The following IRF2 variants were observed in gnomAD, a reference collection of about 807,000 sequenced individuals.
The protein encoded by IRF2 is interferon regulatory factor 2.
Under a neutral mutation model 40.6 loss-of-function variants are expected in IRF2, and 15 were observed. The observed-to-expected ratio is 0.37, with a 90% CI of 0.25 to 0.57. The LOEUF (loss-of-function observed/expected upper bound fraction) is 0.57, where lower values mean the gene tolerates loss of function less well. Among genes scored for constraint, IRF2 ranks in the 20% least tolerant of loss-of-function variants. The pLI is 0.77. For synonymous variants in IRF2, 151 were observed against 165.5 expected (o/e 0.91, Z 0.67); for missense variants, 317 against 455.7 (o/e 0.70, Z 2.77).
At position 184,460,442 on chromosome 4, in the gene IRF2, T is replaced by C. The variant is rs535465570; in HGVS notation, c.-7+13937A>G. Among the ~76,000 whole-genome samples the C allele has an allele frequency of 5.9e-5, 9 of 152,354 alleles. No homozygotes were observed. The South Asian group carries it at 1.4e-3, about 25-fold the overall frequency. On this transcript the variant is annotated intron_variant, in intron 1 of 8. Transcript: ENST00000393593. ...GAATGTAATTAACGTCACCAAATTA[T>C]ACACTTTAAGATGATTGTAATGGTA...
intron 1 of IRF2, among the ~76,000 whole-genome samples, chr4:184,453,620 A>C (rs1340603466): frequency 6.6e-6 from 1 of 152,160 alleles, no homozygotes; most frequent in Non-Finnish European, 1.5e-5. Context: ...GCCGGAAAAG[A>C]CCTCTCAGTC....
At chr4:184,438,802 C>T (rs997498010) in intron 1 of IRF2, among the ~76,000 whole-genome samples, 4 of 152,156 alleles carry the variant, frequency 2.6e-5, no homozygotes, top group Non-Finnish European at 5.9e-5. Context: ...AACTTCATGG[C>T]ATGAAAATAG....
Position 184,413,065 on chromosome 4 carries a change from C to T in IRF2, c.412-4790G>A, listed in dbSNP as rs1737134050. On this transcript the variant is annotated intron_variant, in intron 5 of 8. Coordinates refer to ENST00000393593, the MANE Select transcript of IRF2 (RefSeq NM_002199.4). This position sits in a 1 kb window ranked among gnomAD's most constrained non-coding sequence, Gnocchi z 4.2. Reference sequence around the variant, plus strand: ...ACTCGCTTCTGAAGGTGCAAAACGCCGGGGCCTCCTCTTTAGGCCGCTCTT... The same window carrying T: ...ACTCGCTTCTGAAGGTGCAAAACGCTGGGGCCTCCTCTTTAGGCCGCTCTT... Among the ~76,000 whole-genome samples the T allele has an allele frequency of 6.6e-6, 1 of 152,112 alleles. No individual in the cohort carries two copies. The highest frequency in any genetic ancestry group is 2.4e-5 in the African/African-American group (1 of 41,412).
rs185898116 is a variant in IRF2 at position 184,397,542 on chromosome 4, G to A, written c.694+1373C>T. Among the ~76,000 whole-genome samples, 565 of 150,128 alleles carry A rather than the reference G, an allele frequency of 3.8e-3. 1 individual carries two copies. The highest frequency in any genetic ancestry group is 0.014 in the Middle Eastern group (4 of 282). ...CAATTTTTAAAAGTGAAAAAAAAAA[G>A]AAAGTTGGCATTCAGGGAAAATGAG... On this transcript the variant is annotated intron_variant, in intron 7 of 8. Coordinates refer to ENST00000393593, the MANE Select transcript of IRF2 (RefSeq NM_002199.4).
At chr4:184,420,315 C>T (rs1737437864) in intron 2 of IRF2, among the ~76,000 whole-genome samples, 1 of 152,196 alleles carries the variant, frequency 6.6e-6, no homozygotes, top group African/African-American at 2.4e-5. Flanking sequence ...TTCCAAAACC[C>T]TTGATGCTAC....
chr4:184,398,806 T>A, intron 7 of IRF2, 109 bp downstream of exon 7: 1 of 979,926 alleles, frequency 1.0e-6, no homozygotes, highest in South Asian at 1.8e-5. Flanking sequence ...GGAGAATAAC[T>A]CCTAGGACAG....
chr4:184,451,618 T>C (rs1005316338), intron 1 of IRF2, among the ~76,000 whole-genome samples: 11 of 152,142 alleles, frequency 7.2e-5, no homozygotes, highest in African/African-American at 2.4e-4. Flanking sequence ...CTTGGTAATA[T>C]AGAACCCCTG....
intron 8 of IRF2, among the ~76,000 whole-genome samples, chr4:184,390,152 C>T (rs1470133757): frequency 2.0e-5 from 3 of 152,208 alleles, no homozygotes; most frequent in Non-Finnish European, 4.4e-5. Flanking sequence ...AGGTGGCCAG[C>T]AGGAATGCTT....
rs188232226 is a variant in IRF2, at chr4:184,463,497, G to A, written c.-7+10882C>T. 5.8e-3 allele frequency among the ~76,000 whole-genome samples: 890 copies of A among 152,180 alleles called. 4 individuals carry two copies. Among genetic ancestry groups the A allele is most frequent in the Non-Finnish European group, 9.5e-3 (644 of 68,014 alleles). Reference sequence around the variant, plus strand: ...ATCTCATTAGTATTTTTACATTAACGACATACTGAAATATTTTAGATAAAA... The same window carrying A: ...ATCTCATTAGTATTTTTACATTAACAACATACTGAAATATTTTAGATAAAA... On this transcript the variant is annotated intron_variant, in intron 1 of 8. Coordinates refer to ENST00000393593, the MANE Select transcript of IRF2 (RefSeq NM_002199.4).
rs1736115917 is a variant in IRF2, at chr4:184,387,945, T to C, written c.*813A>G. On this transcript the variant is annotated 3_prime_UTR_variant, in exon 9 of 9. Transcript: ENST00000393593. ...ATTATATTTTATTTAGAATTTTACC[T>C]TGAATAAAATATTCCCCTGTATAAA... 1 of 152,648 alleles carries C rather than the reference T, an allele frequency of 6.6e-6. No homozygotes were observed. Among genetic ancestry groups the C allele is most frequent in the Non-Finnish European group, 1.5e-5 (1 of 68,036 alleles). 9.5% of individuals were successfully genotyped at this position (152,648 alleles called of 1,614,324 possible).
intron 2 of IRF2, among the ~76,000 whole-genome samples, chr4:184,428,059 C>T (rs991848543): frequency 6.6e-6 from 1 of 152,182 alleles, no homozygotes; most frequent in Non-Finnish European, 1.5e-5. Context: ...GACATTATCT[C>T]TTTCTGATTC....
intron 1 of IRF2, among the ~76,000 whole-genome samples, chr4:184,445,667 AAG>A (rs1205843042): frequency 3.1e-4 from 46 of 148,892 alleles, no homozygotes; most frequent in African/African-American, 1.1e-3. Context: ...AAAAAAAAAA[AAG>A]AAGAAGAAGA....
chr4:184,398,961 C>T lies in IRF2; in HGVS notation c.648G>A (p.Met216Ile), dbSNP rs1195263072. ...AGATCTGCAGAGGGTAGAGCTCGCT[C>T]ATGCTGACCGGCTGCTCGTCGCTCT... is the stretch of plus-strand genomic sequence containing the variant. ...TTESDEQPVSMSELYPLQISP... is the reference protein window; with the variant it reads ...TTESDEQPVSISELYPLQISP... Residue 216 changes from methionine to isoleucine, a missense_variant, in exon 7 of 9, where the codon ATG (methionine) becomes ATA (isoleucine). Coordinates refer to ENST00000393593, the MANE Select transcript of IRF2 (RefSeq NM_002199.4). 1.9e-6 allele frequency: 3 copies of T among 1,612,112 alleles called. No individual in the cohort carries two copies. In the South Asian group the frequency reaches 3.3e-5, roughly 18 times the overall value.
chr4:184,429,008 G>A lies in IRF2; in HGVS notation c.57C>T (p.Asn19=), dbSNP rs147121139. 10 of 1,614,162 alleles carry A rather than the reference G, an allele frequency of 6.2e-6. No individual in the cohort carries two copies. In the African/African-American group the frequency reaches 1.2e-4, roughly 19 times the overall value. The change falls in exon 2 of 9, where the codon AAC becomes AAT. Residue 19 remains asparagine (N), a synonymous_variant. Transcript: ENST00000393593. The part of the protein sequence containing the change: ...RPWLEEQINS[N]TIPGLKWLNK... The stretch of plus-strand genomic sequence containing the variant: ...TAAGCCACTTGAGCCCCGGGATCGT[G>A]TTGGAGTTTATCTGCTCCTCCAGCC...
At chr4:184,401,183 G>A (rs1030655573) in intron 6 of IRF2, among the ~76,000 whole-genome samples, 1 of 152,244 alleles carries the variant, frequency 6.6e-6, no homozygotes, top group Non-Finnish European at 1.5e-5. Context: ...AGGCGTCATG[G>A]AGAGGCTCGT....
chr4:184,422,474 A>G (rs1317294570), intron 2 of IRF2, among the ~76,000 whole-genome samples: 1 of 152,216 alleles, frequency 6.6e-6, no homozygotes, highest in African/African-American at 2.4e-5. Flanking sequence ...TCAAACCAAA[A>G]CATAAACGTT....
At chr4:184,428,824 A>G (rs114571855) in intron 2 of IRF2, 154 bp downstream of exon 2, 46,319 of 698,966 alleles carry the variant, frequency 0.066, 1,921 homozygotes, top group Middle Eastern at 0.085. Flanking sequence ...CTTTGAGATG[A>G]TAACTTGATG....
chr4:184,392,355 C>T (rs1042309678), intron 7 of IRF2, among the ~76,000 whole-genome samples: 3 of 152,168 alleles, frequency 2.0e-5, no homozygotes, highest in African/African-American at 7.2e-5. Context: ...TTTTAGGTGA[C>T]GTATATTTCA....
At chr4:184,403,201 C>G (rs1736729796) in intron 6 of IRF2, among the ~76,000 whole-genome samples, 1 of 152,174 alleles carries the variant, frequency 6.6e-6, no homozygotes, top group Non-Finnish European at 1.5e-5. Flanking sequence ...ATGAGAGAAG[C>G]AGGGAAATCC....
Sources: allele counts gnomAD v4.1 joint callset (sites outside exome capture counted in the v4.1 genomes callset), GRCh38; gene constraint gnomAD v4.1.1; non-coding constraint Gnocchi (gnomAD v3.1); transcripts MANE v1.5; gene names NCBI Gene and HGNC (gene_info 2026-07-23, HGNC 2026-07-21).